Variants in FBXL20 observed in about 807,000 individuals in gnomAD.
FBXL20 encodes F-box/LRR-repeat protein 20.
In FBXL20, 11 loss-of-function variants were observed where a neutral mutation model predicts 64.0. That is an observed-to-expected ratio of 0.17 (90% confidence interval 0.11 to 0.28). FBXL20 has a LOEUF of 0.28. FBXL20 is among the 10% of genes least tolerant of loss of function. FBXL20 has a pLI of 1.00. For synonymous variants in FBXL20, 184 were observed against 189.0 expected (o/e 0.97, Z 0.22); for missense variants, 303 against 526.2 (o/e 0.58, Z 4.15).
chr17:39,397,351 C>T (rs976710198), intron 1 of FBXL20, among the ~76,000 whole-genome samples: 6 of 152,132 alleles, frequency 3.9e-5, no homozygotes, highest in African/African-American at 9.7e-5. Flanking sequence ...TTCAAAATAC[C>T]GAAATTGGAG....
At chr17:39,350,523 A>G (rs1256040368) in intron 1 of FBXL20, among the ~76,000 whole-genome samples, 1 of 151,694 alleles carries the variant, frequency 6.6e-6, no homozygotes, top group Non-Finnish European at 1.5e-5. Flanking sequence ...AGAAGCAAAA[A>G]AAAAAAAAAA....
At chr17:39,337,233 C>T (rs2047531875) in intron 2 of FBXL20, among the ~76,000 whole-genome samples, 2 of 152,248 alleles carry the variant, frequency 1.3e-5, no homozygotes, top group Admixed American at 6.5e-5. Flanking sequence ...AGTGATCCGC[C>T]AGCCTCGGCC....
intron 1 of FBXL20, among the ~76,000 whole-genome samples, chr17:39,400,568 G>C (rs190155640): frequency 4.0e-4 from 61 of 152,198 alleles, no homozygotes; most frequent in Non-Finnish European, 8.2e-4. Flanking sequence ...TAATTCATCA[G>C]TAGTTACAAT....
intron 1 of FBXL20, among the ~76,000 whole-genome samples, chr17:39,355,836 CA>C (rs1427264089): frequency 3.7e-5 from 3 of 82,066 alleles, no homozygotes; most frequent in East Asian, 3.8e-4. Context: ...GCCTGAGGGA[CA>C]AAATCGAGAC....
intron 1 of FBXL20, among the ~76,000 whole-genome samples, chr17:39,363,883 CTTTTTTT>C (rs71147324): frequency 4.1e-5 from 2 of 48,678 alleles, no homozygotes; most frequent in Admixed American, 4.1e-4. Context: ...TGAATCATAT[CTTTTTTT>C]TTTTTTTTTT....
chr17:39,400,818 G>A (rs1161914880), intron 1 of FBXL20, among the ~76,000 whole-genome samples: 1 of 152,214 alleles, frequency 6.6e-6, no homozygotes, highest in Non-Finnish European at 1.5e-5. Context: ...GGAAAGCAGA[G>A]GAAGTATCAG....
Position 39,368,846 on chromosome 17 carries a change from G to A in FBXL20, c.43-25605C>T, listed in dbSNP as rs779858640. On this transcript the variant is annotated intron_variant, in intron 1 of 14. Transcript: ENST00000264658. ...AATTTTTTGTATTTTTAGTAAAGAC[G>A]GGGTTTCACCATGTTAGCCAGGATG... Among the ~76,000 whole-genome samples, 46 of 152,038 alleles carry A rather than the reference G, an allele frequency of 3.0e-4. No individual in the cohort carries two copies. The Middle Eastern group carries it at 0.01, about 34-fold the overall frequency.
chr17:39,322,862 T>C (rs1205582051), intron 2 of FBXL20, among the ~76,000 whole-genome samples: 1 of 152,118 alleles, frequency 6.6e-6, no homozygotes, highest in African/African-American at 2.4e-5. Context: ...TGGAGTGCAG[T>C]GGTGCAATCT....
chr17:39,312,914 G>A (rs1478201370), intron 2 of FBXL20, among the ~76,000 whole-genome samples: 1 of 118,172 alleles, frequency 8.5e-6, no homozygotes, highest in East Asian at 2.5e-4. Context: ...AATGAAGATA[G>A]TTACTTTTTT....
intron 1 of FBXL20, among the ~76,000 whole-genome samples, chr17:39,398,364 AG>A: frequency 6.6e-6 from 1 of 152,218 alleles, no homozygotes; most frequent in Non-Finnish European, 1.5e-5. Flanking sequence ...TCTGTCATGC[AG>A]GAAGTATTCA....
At position 39,361,569 on chromosome 17, in the gene FBXL20, A is replaced by G. The variant is rs539372685; in HGVS notation, c.43-18328T>C. Among the ~76,000 whole-genome samples, 3 of 151,784 alleles carry G rather than the reference A, an allele frequency of 2.0e-5. No homozygotes were observed. In the South Asian group the frequency reaches 6.3e-4, roughly 32 times the overall value. ...TCCCAGCACTTTGGGAGGCTGAGGC[A>G]GGTAGATCATTAAGTCAGGAGATCG... On this transcript the variant is annotated intron_variant, in intron 1 of 14. Transcript: ENST00000264658.
intron 11 of FBXL20, 69 bp from the exon 12 acceptor site, chr17:39,268,940 C>T: frequency 3.0e-6 from 4 of 1,345,092 alleles, no homozygotes; most frequent in Non-Finnish European, 4.2e-6. Context: ...CTTTTAAGGA[C>T]AGAAAACTAA....
At chr17:39,381,575 G>A (rs2048023628) in intron 1 of FBXL20, among the ~76,000 whole-genome samples, 1 of 151,408 alleles carries the variant, frequency 6.6e-6, no homozygotes, top group African/African-American at 2.4e-5. Flanking sequence ...CAGATAACTT[G>A]AGCCCAGGAG....
chr17:39,387,213 T>C (rs1339680733), intron 1 of FBXL20, among the ~76,000 whole-genome samples: 1 of 152,030 alleles, frequency 6.6e-6, no homozygotes, highest in Non-Finnish European at 1.5e-5. Context: ...TAACGGATTC[T>C]GAGCATGCTT....
upstream of FBXL20, chr17:39,402,214 G>C: frequency 8.1e-7 from 1 of 1,232,118 alleles, no homozygotes; most frequent in Non-Finnish European, 1.0e-6. Flanking sequence ...TCCCTGCTCG[G>C]AGCCATTTTC....
At chr17:39,371,105 C>A (rs1438271929) in intron 1 of FBXL20, among the ~76,000 whole-genome samples, 1 of 151,998 alleles carries the variant, frequency 6.6e-6, no homozygotes, top group Non-Finnish European at 1.5e-5. Flanking sequence ...GTAATCCGAG[C>A]TACTAAGGAG....
intron 2 of FBXL20, among the ~76,000 whole-genome samples, chr17:39,316,075 T>G (rs113795902): frequency 6.6e-6 from 1 of 151,904 alleles, no homozygotes; most frequent in Non-Finnish European, 1.5e-5. Flanking sequence ...CAGAGCAAGA[T>G]CCTATCTCTA....
At chr17:39,272,718 A>AGAAAGAAAGAAAGAAAGAAAGAAAG (rs58951166) in intron 10 of FBXL20, among the ~76,000 whole-genome samples, 4 of 79,820 alleles carry the variant, frequency 5.0e-5, no homozygotes, top group African/African-American at 1.4e-4. Flanking sequence ...AAAAAAAAAA[A>AGAAAGAAAGAAAGAAAGAAAGAAAG]AAAGAAAGAA....
At chr17:39,324,296 CTTTT>C (rs548367444) in intron 2 of FBXL20, among the ~76,000 whole-genome samples, 2 of 144,124 alleles carry the variant, frequency 1.4e-5, no homozygotes, top group African/African-American at 2.7e-5. Flanking sequence ...GGTGATTTTT[CTTTT>C]TTTTTTAGAC....
Sources: gnomAD v4.1 joint callset for allele counts (sites outside exome capture counted in the v4.1 genomes callset) on GRCh38, gnomAD v4.1.1 for gene constraint, MANE v1.5 for transcripts, NCBI Gene and HGNC (gene_info 2026-07-23, HGNC 2026-07-21) for gene names.